SORCS1: variants seen among roughly 807,000 people sequenced by gnomAD.
The protein encoded by SORCS1 is VPS10 domain-containing receptor SorCS1.
A neutral mutation model predicts 146.1 loss-of-function variants in SORCS1; 60 were observed. That is an observed-to-expected ratio of 0.41 (90% CI 0.33 to 0.51). The LOEUF (loss-of-function observed/expected upper bound fraction) is 0.51. Ranked by LOEUF, SORCS1 falls within the 20% of genes least tolerant of loss-of-function variation. SORCS1 has a pLI of 0.21. For missense variants in SORCS1, 1,352 were observed against 1,487.6 expected, an observed-to-expected ratio of 0.91 and a Z score of 1.50; for synonymous variants, 637 against 584.0, an observed-to-expected ratio of 1.09 and a Z score of -1.31.
intron 6 of SORCS1, among the ~76,000 whole-genome samples, chr10:106,713,240 G>T (rs1855124218): frequency 6.6e-6 from 1 of 152,144 alleles, no homozygotes. Flanking sequence ...GCCTCAAGCT[G>T]CCCCAACCTC....
chr10:106,698,462 G>A (rs1216512608), intron 9 of SORCS1, among the ~76,000 whole-genome samples: 8 of 152,070 alleles, frequency 5.3e-5, no homozygotes, highest in Admixed American at 1.3e-4. Context: ...CTTTCATAGC[G>A]CATGATAAGA....
In SORCS1 at chr10:107,058,551, G is replaced by A. The variant is rs190330327; in HGVS notation, c.559-101971C>T. On this transcript the variant is annotated intron_variant, in intron 1 of 25. Coordinates refer to ENST00000263054, the MANE Select transcript of SORCS1 (RefSeq NM_052918.5). ...ACTTCAGGCTGTCTTACTATCTCAG[G>A]AAGTAGGAATTCCCAGTGCATAATG... is the stretch of plus-strand genomic sequence containing the variant. 2.6e-3 allele frequency among the ~76,000 whole-genome samples: 389 copies of A among 152,238 alleles called. 1 individual carries two copies. Among genetic ancestry groups the A allele is most frequent in the Middle Eastern group, 0.02 (6 of 294 alleles).
chr10:106,654,426 A>G (rs954980658), intron 17 of SORCS1, among the ~76,000 whole-genome samples: 4 of 152,168 alleles, frequency 2.6e-5, no homozygotes, highest in Non-Finnish European at 4.4e-5. Context: ...AAATGGAGTA[A>G]GATTATCCCT....
chr10:106,713,082 T>C (rs1171389744), intron 6 of SORCS1, among the ~76,000 whole-genome samples: 5 of 152,212 alleles, frequency 3.3e-5, no homozygotes, highest in African/African-American at 1.2e-4. Context: ...CTTCTGCCTC[T>C]GTAAACACTG....
At position 106,702,095 on chromosome 10, in the gene SORCS1, C is replaced by G. The variant is rs909053856; in HGVS notation, c.1234-2702G>C. Among the ~76,000 whole-genome samples, 6 of 152,204 alleles carry G rather than the reference C, an allele frequency of 3.9e-5. No homozygotes were observed. In the South Asian group the frequency reaches 1.2e-3, roughly 32 times the overall value. On this transcript the variant is annotated intron_variant, in intron 8 of 25. Coordinates refer to ENST00000263054, the MANE Select transcript of SORCS1 (RefSeq NM_052918.5). ...AAATAAAATTTAAAATTCTTTGAAC[C>G]AGGAGAAGCTATACCCAAGTGTTTG...
At chr10:106,607,931 G>C (rs1341818842) in intron 22 of SORCS1, among the ~76,000 whole-genome samples, 1 of 152,128 alleles carries the variant, frequency 6.6e-6, no homozygotes, top group Non-Finnish European at 1.5e-5. Context: ...CCTGTTCCCT[G>C]AAGCACCCTG....
intron 1 of SORCS1, among the ~76,000 whole-genome samples, chr10:107,088,051 T>C (rs1241751935): frequency 6.6e-6 from 1 of 152,086 alleles, no homozygotes; most frequent in Non-Finnish European, 1.5e-5. Context: ...CCCGAGTAGC[T>C]GGGACTACAG....
intron 24 of SORCS1, among the ~76,000 whole-genome samples, chr10:106,593,219 G>A (rs779399764): frequency 1.9e-4 from 29 of 151,328 alleles, no homozygotes; most frequent in South Asian, 4.2e-4. Flanking sequence ...ATGAGTGAAG[G>A]GGGAATTCCC....
intron 1 of SORCS1, among the ~76,000 whole-genome samples, chr10:107,137,067 G>T (rs567228419): frequency 1.1e-4 from 16 of 152,264 alleles, no homozygotes; most frequent in African/African-American, 3.9e-4. Flanking sequence ...TGGTCGTAAG[G>T]CTCCCCATGG....
At position 106,688,207 on chromosome 10, in the gene SORCS1, G is replaced by C; in HGVS notation, c.1545C>G (p.Pro515=). ...GAAGACTCACCAGCAAGCAGTGCAC[G>C]GGGTCCCCCCTTAGATCCGTGTCCG... ...QAPDTDLRGD[P]VHCLLPYCSL... is the part of the protein sequence containing the mutation. The change falls in exon 10 of 26, where the codon CCC becomes CCG. Residue 515 remains proline (P), a synonymous_variant. Coordinates refer to ENST00000263054, the MANE Select transcript of SORCS1 (RefSeq NM_052918.5). 1.9e-6 allele frequency: 3 copies of C among 1,613,698 alleles called. No homozygotes were observed. Among genetic ancestry groups the C allele is most frequent in the Admixed American group, 1.7e-5 (1 of 59,970 alleles).
intron 2 of SORCS1, among the ~76,000 whole-genome samples, chr10:106,914,055 C>T (rs985852423): frequency 1.3e-5 from 2 of 152,190 alleles, no homozygotes; most frequent in Non-Finnish European, 2.9e-5. Flanking sequence ...CTGTGATTGA[C>T]TTCAAAACAC....
intron 4 of SORCS1, among the ~76,000 whole-genome samples, chr10:106,774,389 G>C (rs1055409228): frequency 6.6e-6 from 1 of 151,702 alleles, no homozygotes. Flanking sequence ...AAATCAAACA[G>C]CCAAAACAGT....
intron 1 of SORCS1, among the ~76,000 whole-genome samples, chr10:107,064,827 C>G (rs1961581808): frequency 6.6e-6 from 1 of 152,198 alleles, no homozygotes; most frequent in African/African-American, 2.4e-5. Context: ...GCTTCCATCT[C>G]TATGATCTCC....
At chr10:106,728,351 G>C (rs779783979) in intron 6 of SORCS1, among the ~76,000 whole-genome samples, 2 of 152,158 alleles carry the variant, frequency 1.3e-5, no homozygotes, top group Non-Finnish European at 2.9e-5. Flanking sequence ...TGGAATCCAA[G>C]ATAACATCAT....
chr10:107,009,912 C>T (rs542070213), intron 1 of SORCS1, among the ~76,000 whole-genome samples: 47 of 152,166 alleles, frequency 3.1e-4, no homozygotes, highest in Admixed American at 7.9e-4. Context: ...GGTCACAAGT[C>T]AGAACTCAGA....
intron 17 of SORCS1, among the ~76,000 whole-genome samples, chr10:106,656,012 T>C (rs771014300): frequency 8.5e-5 from 13 of 152,214 alleles, no homozygotes; most frequent in Non-Finnish European, 1.6e-4. Flanking sequence ...TTCTTCAATC[T>C]GCCAAGAAGA....
At chr10:106,644,105 T>G (rs1849250307) in intron 18 of SORCS1, among the ~76,000 whole-genome samples, 1 of 152,202 alleles carries the variant, frequency 6.6e-6, no homozygotes, top group Non-Finnish European at 1.5e-5. Flanking sequence ...TTCCTTTTTT[T>G]GCCCAAATAC....
chr10:106,610,115 T>C (rs1367552396), intron 22 of SORCS1, among the ~76,000 whole-genome samples: 1 of 152,178 alleles, frequency 6.6e-6, no homozygotes, highest in East Asian at 1.9e-4. Context: ...CCACCAATCA[T>C]GTCACAGATG....
chr10:106,597,383 C>T lies in SORCS1; in HGVS notation c.3233G>A (p.Arg1078Gln), dbSNP rs780918645. 1.1e-5 allele frequency: 18 copies of T among 1,613,866 alleles called. No individual in the cohort carries two copies. The East Asian group carries it at 2.2e-4, about 20-fold the overall frequency. Residue 1078 changes from arginine to glutamine, a missense_variant, in exon 24 of 26, where the codon CGA becomes CAA. Physicochemically the swap from Arg to Gln is conservative, Grantham distance 43 (BLOSUM62 1). Around this residue, in one of 3 missense-constraint regions of SORCS1, gnomAD observed 214 missense variants for 204.8 expected, o/e 1.05. Transcript: ENST00000263054. ...TAAGTGAGCAGCATGGACAAGGACT[C>T]GGACTCCTGGCTTCAGCTCGAAGTG... Reference protein sequence around the residue: ...SVHFELKPGVRVLVHAAHLTA... With the variant: ...SVHFELKPGVQVLVHAAHLTA...
Sources: gnomAD v4.1 joint callset for allele counts (sites outside exome capture counted in the v4.1 genomes callset) on GRCh38, gnomAD v4.1.1 for gene constraint, gnomAD v4.1.1 regional missense constraint, MANE v1.5 for transcripts, NCBI Gene and HGNC (gene_info 2026-07-23, HGNC 2026-07-21) for gene names.